Variants in GRIK3 observed in about 807,000 individuals in gnomAD.
GRIK3 encodes the protein glutamate receptor ionotropic, kainate 3.
A neutral mutation model predicts 102.5 loss-of-function variants in GRIK3; 29 were observed. That is an observed-to-expected ratio of 0.28 (90% CI 0.21 to 0.39). The LOEUF is 0.39. GRIK3 is among the 10% of genes least tolerant of loss of function. The pLI is 1.00. For missense variants in GRIK3, 908 were observed against 1,252.4 expected (o/e 0.73, Z 4.15); for synonymous variants, 511 against 504.9 (o/e 1.01, Z -0.16).
At chr1:36,838,784 A>G (rs372539620) in intron 10 of GRIK3, among the ~76,000 whole-genome samples, 7 of 152,306 alleles carry the variant, frequency 4.6e-5, no homozygotes, top group African/African-American at 1.7e-4. Flanking sequence ...CATGCTTTCT[A>G]TGGGCTAGTG....
chr1:36,960,477 G>A (rs1641993873), intron 1 of GRIK3, among the ~76,000 whole-genome samples: 1 of 152,214 alleles, frequency 6.6e-6, no homozygotes. Context: ...AGGCCAGTGG[G>A]GTACTGGAAG....
intron 7 of GRIK3, among the ~76,000 whole-genome samples, chr1:36,857,180 C>T (rs994971050): frequency 7.2e-5 from 11 of 152,150 alleles, no homozygotes; most frequent in African/African-American, 2.7e-4. Context: ...GCTCCTAAGG[C>T]TCCCAAATTT....
Position 36,825,585 on chromosome 1 carries a change from G to A in GRIK3, c.1754+18C>T. Reference sequence around the variant, plus strand: ...CCTTCAACCTTGGGCCCGATGTCTGGCCAAGGAATTGCCTTACCTGGCGAT... The same window carrying A: ...CCTTCAACCTTGGGCCCGATGTCTGACCAAGGAATTGCCTTACCTGGCGAT... On this transcript the variant is annotated intron_variant, in intron 11 of 15. Transcript: ENST00000373091. 2.6e-6 allele frequency: 4 copies of A among 1,529,666 alleles called. No individual in the cohort carries two copies. The Admixed American group carries it at 5.8e-5, about 22-fold the overall frequency. 94.8% of individuals were successfully genotyped at this position (1,529,666 alleles called of 1,614,324 possible).
At chr1:36,836,496 A>C (rs538806692) in intron 10 of GRIK3, among the ~76,000 whole-genome samples, 1 of 152,356 alleles carries the variant, frequency 6.6e-6, no homozygotes, top group African/African-American at 2.4e-5. Context: ...CACACAGGGA[A>C]ATTGGCACTT....
intron 1 of GRIK3, among the ~76,000 whole-genome samples, chr1:36,957,372 C>T (rs541681339): frequency 2.0e-5 from 3 of 150,730 alleles, no homozygotes; most frequent in African/African-American, 7.3e-5. Context: ...AGTCTGTGCC[C>T]TGTGAGCCTG....
chr1:36,964,312 C>G (rs1224565110), intron 1 of GRIK3, among the ~76,000 whole-genome samples: 1 of 152,166 alleles, frequency 6.6e-6, no homozygotes, highest in African/African-American at 2.4e-5. Flanking sequence ...GTAGAGGGGG[C>G]CCCTGAGCCC....
At chr1:36,846,830 G>T (rs1467198151) in intron 9 of GRIK3, among the ~76,000 whole-genome samples, 2 of 152,250 alleles carry the variant, frequency 1.3e-5, no homozygotes, top group Non-Finnish European at 2.9e-5. Context: ...CCCTAGGCCA[G>T]TCCTTGCATG....
rs72917569 is a variant in GRIK3, at chr1:36,926,388, C to T, written c.116-35292G>A. 4.9e-3 allele frequency among the ~76,000 whole-genome samples: 748 copies of T among 151,350 alleles called. 4 individuals carry two copies. Among genetic ancestry groups the T allele is most frequent in the African/African-American group, 0.017 (680 of 41,112 alleles). On this transcript the variant is annotated intron_variant, in intron 1 of 15. Coordinates refer to ENST00000373091, the MANE Select transcript of GRIK3 (RefSeq NM_000831.4). The stretch of plus-strand genomic sequence containing the variant: ...CTTTCCTCTCCCTTCATCCCCTCTA[C>T]GCCCCACTTTTTTTTTTTTTGAGAT...
chr1:36,839,804 C>G (rs930514455), intron 10 of GRIK3, among the ~76,000 whole-genome samples: 1 of 152,144 alleles, frequency 6.6e-6, no homozygotes, highest in South Asian at 2.1e-4. Context: ...TCCACAGGAG[C>G]CCAATTTGCT....
intron 13 of GRIK3, among the ~76,000 whole-genome samples, chr1:36,810,368 A>G (rs574866602): frequency 6.6e-6 from 1 of 152,326 alleles, no homozygotes; most frequent in East Asian, 1.9e-4. Context: ...AGTCACCCAA[A>G]TCAACTAATG....
intron 1 of GRIK3, among the ~76,000 whole-genome samples, chr1:36,981,195 A>G (rs557337667): frequency 3.9e-5 from 6 of 152,298 alleles, no homozygotes; most frequent in African/African-American, 1.2e-4. Flanking sequence ...CTTCTCTGCT[A>G]CCCTGAGTTG....
chr1:36,970,465 C>G (rs1392023190), intron 1 of GRIK3, among the ~76,000 whole-genome samples: 1 of 152,230 alleles, frequency 6.6e-6, no homozygotes, highest in Non-Finnish European at 1.5e-5. Flanking sequence ...CACCATTCAC[C>G]TCACATCCTT....
At chr1:36,956,923 G>A (rs1641918503) in intron 1 of GRIK3, among the ~76,000 whole-genome samples, 1 of 152,266 alleles carries the variant, frequency 6.6e-6, no homozygotes, top group Non-Finnish European at 1.5e-5. Flanking sequence ...ACTTACCCAT[G>A]CATTCATTCA....
chr1:36,825,707 G>A lies in GRIK3; in HGVS notation c.1650C>T (p.Thr550=). The A allele has an allele frequency of 6.2e-7, 1 of 1,613,924 alleles. No homozygotes were observed. Among genetic ancestry groups the A allele is most frequent in the Non-Finnish European group, 8.5e-7 (1 of 1,179,896 alleles). The change falls in exon 11 of 16, where the codon ACC becomes ACT. Residue 550 remains threonine, a synonymous_variant. Transcript: ENST00000373091. ...TGAGGAAGGAGAAGACGCTGGGGTTGGTGCCATTGGGCTTTCGATACAGGA... is the reference window on the plus strand; with the variant it reads ...TGAGGAAGGAGAAGACGCTGGGGTTAGTGCCATTGGGCTTTCGATACAGGA... The part of the protein sequence containing the change: ...VSILYRKPNG[T]NPSVFSFLNP...
intron 1 of GRIK3, among the ~76,000 whole-genome samples, chr1:37,016,208 C>T (rs771556103): frequency 6.6e-6 from 1 of 152,174 alleles, no homozygotes; most frequent in Non-Finnish European, 1.5e-5. Context: ...CAATTGTGGG[C>T]ATTGCTAGGG....
intron 1 of GRIK3, among the ~76,000 whole-genome samples, chr1:36,916,130 G>C (rs544060283): frequency 6.6e-6 from 1 of 152,294 alleles, no homozygotes; most frequent in East Asian, 1.9e-4. Context: ...CTGGAGCAAA[G>C]CTGACTTGCT....
intron 1 of GRIK3, among the ~76,000 whole-genome samples, chr1:37,019,278 G>A (rs1478616610): frequency 6.6e-6 from 1 of 152,222 alleles, no homozygotes; most frequent in Non-Finnish European, 1.5e-5. Context: ...GCTCAGGGGT[G>A]AAAGAACACT....
chr1:36,803,675 C>T (rs548246320), intron 15 of GRIK3, among the ~76,000 whole-genome samples: 2 of 152,272 alleles, frequency 1.3e-5, no homozygotes, highest in South Asian at 2.1e-4. Context: ...GTGATCCACC[C>T]GACTCGGCCT....
chr1:36,903,925 A>G (rs541096421), intron 1 of GRIK3, among the ~76,000 whole-genome samples: 2 of 152,216 alleles, frequency 1.3e-5, no homozygotes, highest in Non-Finnish European at 2.9e-5. Flanking sequence ...AGCCCACAGA[A>G]TGTACACCAC....
Sources: allele counts gnomAD v4.1 joint callset (sites outside exome capture counted in the v4.1 genomes callset), GRCh38; gene constraint gnomAD v4.1.1; transcripts MANE v1.5; gene names NCBI Gene and HGNC (gene_info 2026-07-23, HGNC 2026-07-21).